Variants in GTF2A1L observed in about 807,000 individuals in gnomAD.
GTF2A1L encodes TFIIA-alpha and beta-like factor.
GTF2A1L carries 48 observed loss-of-function variants against 49.7 expected under a neutral mutation model. The observed-to-expected ratio is 0.97, with a 90% confidence interval of 0.77 to 1.23. The LOEUF (loss-of-function observed/expected upper bound fraction) is 1.23, where lower values mean the gene tolerates loss of function less well. Ranked by LOEUF, GTF2A1L falls within the 50% of genes most tolerant of loss-of-function variation. The pLI is 0.00. For synonymous variants in GTF2A1L, 246 were observed against 193.5 expected (o/e 1.27, Z -2.25); for missense variants, 736 against 564.8 (o/e 1.30, Z -3.07).
chr2:48,654,307 A>G (rs184054174), intron 6 of GTF2A1L, among the ~76,000 whole-genome samples: 1 of 152,300 alleles, frequency 6.6e-6, no homozygotes, highest in East Asian at 1.9e-4. Flanking sequence ...AGATTTTATA[A>G]TACTTCTAAA....
chr2:48,644,835 T>C (rs933954192), intron 4 of GTF2A1L, among the ~76,000 whole-genome samples, 198 bp from the exon 5 acceptor site: 1 of 152,198 alleles, frequency 6.6e-6, no homozygotes, highest in African/African-American at 2.4e-5. Context: ...AACTGTAGAA[T>C]AGGATTCCTC....
intron 8 of GTF2A1L, among the ~76,000 whole-genome samples, chr2:48,672,844 A>G (rs1679246808): frequency 6.6e-6 from 1 of 152,220 alleles, no homozygotes; most frequent in Non-Finnish European, 1.5e-5. Flanking sequence ...TAGTGTATTC[A>G]TAGATATGTA....
At chr2:48,641,753 G>A (rs1677208628) in intron 3 of GTF2A1L, among the ~76,000 whole-genome samples, 1 of 152,086 alleles carries the variant, frequency 6.6e-6, no homozygotes, top group Non-Finnish European at 1.5e-5. Flanking sequence ...ATGAAAGGCT[G>A]GTTAGCATAG....
intron 3 of GTF2A1L, among the ~76,000 whole-genome samples, chr2:48,638,711 AAGTCCTAGCTATAGC>A (rs1677040093): frequency 6.6e-6 from 1 of 152,192 alleles, no homozygotes; most frequent in South Asian, 2.1e-4. Context: ...ATAGTTTTGG[AAGTCCTAGCTATAGC>A]AGTCAGGCAA....
intron 3 of GTF2A1L, among the ~76,000 whole-genome samples, chr2:48,640,531 G>A (rs1450469369): frequency 1.3e-5 from 2 of 151,986 alleles, no homozygotes; most frequent in African/African-American, 4.8e-5. Context: ...CTACTTAAGG[G>A]TGGAGGGTGG....
intron 6 of GTF2A1L, among the ~76,000 whole-genome samples, chr2:48,648,646 T>C (rs1677670033): frequency 6.6e-6 from 1 of 152,084 alleles, no homozygotes; most frequent in African/African-American, 2.4e-5. Context: ...CTAATACCAA[T>C]CTTGTAATTT....
intron 3 of GTF2A1L, among the ~76,000 whole-genome samples, chr2:48,635,809 T>C (rs933255105): frequency 6.6e-6 from 1 of 152,130 alleles, no homozygotes; most frequent in African/African-American, 2.4e-5. Context: ...AATGGCATCC[T>C]GTGCTTGGTC....
At position 48,618,568 on chromosome 2, in the gene GTF2A1L, T is replaced by C. The variant is rs916488059; in HGVS notation, c.21+673T>C. The stretch of plus-strand genomic sequence containing the variant: ...CACATTTCGTGAAAGGCAATGTGCC[T>C]GTCCAGATCTGTGTAATTTTATGGG... On this transcript the variant is annotated intron_variant, in intron 1 of 8. Transcript: ENST00000403751. Among the ~76,000 whole-genome samples the C allele has an allele frequency of 4.6e-5, 7 of 152,240 alleles. 1 individual carries two copies. Among genetic ancestry groups the C allele is most frequent in the Admixed American group, 4.6e-4 (7 of 15,284 alleles).
At chr2:48,638,575 C>T (rs1027712374) in intron 3 of GTF2A1L, among the ~76,000 whole-genome samples, 1 of 152,134 alleles carries the variant, frequency 6.6e-6, no homozygotes, top group African/African-American at 2.4e-5. Context: ...GAATATACCT[C>T]AAAATAATAC....
Position 48,630,276 on chromosome 2 carries a change from G to A in GTF2A1L, c.247+8986G>A, listed in dbSNP as rs1676502606. On this transcript the variant is annotated intron_variant, in intron 3 of 8. Coordinates refer to ENST00000403751, the MANE Select transcript of GTF2A1L (RefSeq NM_006872.5). Reference sequence around the variant, plus strand: ...TTGGAGTGTTTCTCCATTTGTTTGTGTCATCTATGATTTCTTTCAGCAGTG... The same window carrying A: ...TTGGAGTGTTTCTCCATTTGTTTGTATCATCTATGATTTCTTTCAGCAGTG... 1.4e-5 allele frequency among the ~76,000 whole-genome samples: 2 copies of A among 143,814 alleles called. 1 individual carries two copies. The highest frequency in any genetic ancestry group is 3.1e-5 in the Non-Finnish European group (2 of 63,880). The allele number at this position is 143,814 out of a possible 152,430, so 94.3% of individuals were successfully genotyped here.
intron 3 of GTF2A1L, chr2:48,632,548 A>G (rs886332023): frequency 2.6e-5 from 4 of 152,802 alleles, no homozygotes; most frequent in African/African-American, 9.7e-5. Flanking sequence ...ATGCCCAGCT[A>G]ATTTTTTTAT....
chr2:48,642,907 C>G (rs1276135535), intron 4 of GTF2A1L, among the ~76,000 whole-genome samples: 11 of 151,766 alleles, frequency 7.2e-5, no homozygotes, highest in Non-Finnish European at 1.5e-5. Context: ...AGAATAGCAT[C>G]TGTAGCATAG....
intron 6 of GTF2A1L, among the ~76,000 whole-genome samples, chr2:48,654,403 C>G (rs756111273): frequency 1.3e-5 from 2 of 151,616 alleles, no homozygotes; most frequent in Non-Finnish European, 2.9e-5. Flanking sequence ...GATGGAGGTT[C>G]ATTTTTTTTT....
intron 6 of GTF2A1L, among the ~76,000 whole-genome samples, chr2:48,661,212 A>G (rs550071072): frequency 7.9e-6 from 1 of 126,672 alleles, no homozygotes; most frequent in South Asian, 2.4e-4. Flanking sequence ...GCACTTATAC[A>G]TGTCCCTCCC....
chr2:48,677,993 GTGT>G lies in GTF2A1L; in HGVS notation c.1330-1341_1330-1339del. Reference sequence around the variant, plus strand: ...CTCTGAGATGGGTGTGTGTGTGTGTGTGTGTGTGTGTGTGTGTAATACACAGTC... The same window carrying G: ...CTCTGAGATGGGTGTGTGTGTGTGTGGTGTGTGTGTGTGTAATACACAGTC... On this transcript the variant is annotated intron_variant, in intron 8 of 8. Coordinates refer to ENST00000403751, the MANE Select transcript of GTF2A1L (RefSeq NM_006872.5). Among the ~76,000 whole-genome samples, 2 of 151,644 alleles carry G rather than the reference GTGT, an allele frequency of 1.3e-5. 1 individual carries two copies. The highest frequency in any genetic ancestry group is 4.2e-4 in the South Asian group (2 of 4,812).
At position 48,646,471 on chromosome 2, in the gene GTF2A1L, A is replaced by G. The variant is rs147234215; in HGVS notation, c.407A>G (p.Asn136Ser). Residue 136 changes from asparagine (N) to serine (S), a missense_variant, in exon 6 of 9, where the codon AAT (asparagine) becomes AGT (serine). By Grantham distance (46) the Asn-to-Ser change is conservative (BLOSUM62 1). Coordinates refer to ENST00000403751, the MANE Select transcript of GTF2A1L (RefSeq NM_006872.5). ...TTTTAAGGTCACCTTTATAAAGTCA[A>G]TGTACCAATTATGGTGACAGAGACT... ...QTVSGHLYKV[N>S]VPIMVTETSG... 7.5e-6 allele frequency: 12 copies of G among 1,608,944 alleles called. No homozygotes were observed. The highest frequency in any genetic ancestry group is 4.5e-5 in the East Asian group (2 of 44,854).
At chr2:48,665,127 A>T (rs1274462772) in intron 6 of GTF2A1L, among the ~76,000 whole-genome samples, 1 of 151,914 alleles carries the variant, frequency 6.6e-6, no homozygotes, top group Non-Finnish European at 1.5e-5. Context: ...TCACCATGTT[A>T]GTCAGGCTGG....
In GTF2A1L at chr2:48,671,635, A is replaced by G; in HGVS notation, c.1284A>G (p.Pro428=). 1.9e-6 allele frequency: 3 copies of G among 1,613,762 alleles called. No homozygotes were observed. Among genetic ancestry groups the G allele is most frequent in the Non-Finnish European group, 8.5e-7 (1 of 1,179,726 alleles). Residue 428 remains proline, a synonymous_variant, in exon 8 of 9, where the codon CCA becomes CCG. Coordinates refer to ENST00000403751, the MANE Select transcript of GTF2A1L (RefSeq NM_006872.5). ...SGDDVSEQDV[P]DLFDTDNVIV... is the part of the protein sequence containing the mutation. ...ATGATGTTAGTGAACAGGATGTGCCAGACCTGTTTGACACGGATAATGTTA... is the reference window on the plus strand; with the variant it reads ...ATGATGTTAGTGAACAGGATGTGCCGGACCTGTTTGACACGGATAATGTTA...
At chr2:48,643,693 ATTTTTTTTTTTTTT>A (rs71399070) in intron 4 of GTF2A1L, among the ~76,000 whole-genome samples, 2 of 120,786 alleles carry the variant, frequency 1.7e-5, no homozygotes, top group African/African-American at 5.9e-5. Flanking sequence ...TATTAATACA[ATTTTTTTTTTTTTT>A]TTTTTTTTTG....
Sources: allele counts gnomAD v4.1 joint callset (sites outside exome capture counted in the v4.1 genomes callset), GRCh38; gene constraint gnomAD v4.1.1; transcripts MANE v1.5; gene names NCBI Gene and HGNC (gene_info 2026-07-23, HGNC 2026-07-21).